Variants in RXRA observed in about 807,000 individuals in gnomAD.
The protein encoded by RXRA is retinoid X receptor alpha, also known as retinoic acid receptor RXR-alpha.
A neutral mutation model predicts 44.5 loss-of-function variants in RXRA; 5 were observed. The observed-to-expected ratio is 0.11, with a 90% CI of 0.06 to 0.24. The LOEUF (loss-of-function observed/expected upper bound fraction) is 0.24, where lower values mean the gene tolerates loss of function less well. Ranked by LOEUF, RXRA falls within the 10% of genes least tolerant of loss-of-function variation. The pLI, the probability that RXRA is intolerant of heterozygous loss-of-function variation, is 1.00. For synonymous variants in RXRA, 291 were observed against 271.4 expected (o/e 1.07, Z -0.71); for missense variants, 412 against 646.5 (o/e 0.64, Z 3.93).
At chr9:134,352,635 C>T (rs1588259154) in intron 1 of RXRA, among the ~76,000 whole-genome samples, 1 of 152,232 alleles carries the variant, frequency 6.6e-6, no homozygotes, top group East Asian at 1.9e-4. Context: ...AGCCCTGCAG[C>T]TCCCGGGGTG....
At chr9:134,341,383 T>TG (rs1830084844) in intron 1 of RXRA, among the ~76,000 whole-genome samples, 1 of 151,842 alleles carries the variant, frequency 6.6e-6, no homozygotes, top group South Asian at 2.1e-4. Context: ...GCTGCTAGGG[T>TG]GGGGGGACAT....
Position 134,417,427 on chromosome 9 carries a change from T to TG in RXRA, c.780+105dup. ...AGCAGCTGATGAGCCAGAGAGGTCC[T>TG]GGGGGCTGCCCTGGGCCCTGTGGCT... is the stretch of plus-strand genomic sequence containing the variant. On this transcript the variant is annotated intron_variant, in intron 5 of 9. Transcript: ENST00000481739. The surrounding 1 kb of genome is among the most constrained non-coding windows in gnomAD (Gnocchi z 6.1). 1 of 1,402,402 alleles carries TG rather than the reference T, an allele frequency of 7.1e-7. No homozygotes were observed. The highest frequency in any genetic ancestry group is 2.4e-5 in the East Asian group (1 of 41,060). The allele number at this position is 1,402,402 out of a possible 1,614,324, so 86.9% of individuals were successfully genotyped here.
rs1330898915 is a variant in RXRA, at chr9:134,436,471, G to A, written c.1246G>A (p.Ala416Thr). The A allele has an allele frequency of 6.2e-7, 1 of 1,613,904 alleles. No homozygotes were observed. The highest frequency in any genetic ancestry group is 8.5e-7 in the Non-Finnish European group (1 of 1,180,016). The change falls in exon 10 of 10, where the codon GCT becomes ACT. Residue 416 changes from alanine to threonine, a missense_variant. Physicochemically the swap from Ala to Thr is moderately conservative, Grantham distance 58. Coordinates refer to ENST00000481739, the MANE Select transcript of RXRA (RefSeq NM_002957.6). ...CACCAGACCTGTTCCCTGCAGGTTCGCTAAGCTCTTGCTCCGCCTGCCGGC... is the reference window on the plus strand; with the variant it reads ...CACCAGACCTGTTCCCTGCAGGTTCACTAAGCTCTTGCTCCGCCTGCCGGC... ...HKYPEQPGRF[A>T]KLLLRLPALR...
chr9:134,420,265 T>G (rs1424027645), intron 5 of RXRA, among the ~76,000 whole-genome samples: 1 of 152,208 alleles, frequency 6.6e-6, no homozygotes, highest in African/African-American at 2.4e-5. Flanking sequence ...GCCCCCAGCG[T>G]GACAGAAGGA....
chr9:134,371,658 G>T (rs1213951695), intron 1 of RXRA, among the ~76,000 whole-genome samples: 2 of 152,244 alleles, frequency 1.3e-5, no homozygotes, highest in Non-Finnish European at 2.9e-5. Context: ...TGGTTCACTG[G>T]GCCTGTGGCC....
At chr9:134,411,805 G>T (rs539953162) in intron 4 of RXRA, among the ~76,000 whole-genome samples, 2 of 152,326 alleles carry the variant, frequency 1.3e-5, no homozygotes, top group African/African-American at 4.8e-5. Flanking sequence ...TGCCAAACGT[G>T]CCCTGCTGCC....
intron 4 of RXRA, among the ~76,000 whole-genome samples, chr9:134,411,259 C>G (rs1245685619): frequency 6.6e-6 from 1 of 152,190 alleles, no homozygotes; most frequent in Non-Finnish European, 1.5e-5. Context: ...CTCCAGCTGC[C>G]TGGGCCCCCC....
intron 1 of RXRA, among the ~76,000 whole-genome samples, chr9:134,329,057 T>C (rs1834961481): frequency 6.6e-6 from 1 of 152,220 alleles, no homozygotes. Context: ...GGCCTTATCC[T>C]GAATGGTGGG....
intron 1 of RXRA, among the ~76,000 whole-genome samples, chr9:134,397,905 C>G (rs1166131128): frequency 6.6e-6 from 1 of 152,204 alleles, no homozygotes; most frequent in Non-Finnish European, 1.5e-5. Context: ...TGGGGGTGAA[C>G]CTGGAGGGCC....
At position 134,365,650 on chromosome 9, in the gene RXRA, G is replaced by T. The variant is rs186328496; in HGVS notation, c.29-35982G>T. Among the ~76,000 whole-genome samples, 102 of 152,150 alleles carry T rather than the reference G, an allele frequency of 6.7e-4. 3 individuals carry two copies. In the East Asian group the frequency reaches 0.019, roughly 29 times the overall value. On this transcript the variant is annotated intron_variant, in intron 1 of 9. Coordinates refer to ENST00000481739, the MANE Select transcript of RXRA (RefSeq NM_002957.6). The surrounding 1 kb of genome is among the most constrained non-coding windows in gnomAD (Gnocchi z 4.0). Reference sequence around the variant, plus strand: ...CCTCAGCAGGCCTGGGACTGGGCGGGGACAGTGGGGATGAGTTTCAGGTCT... The same window carrying T: ...CCTCAGCAGGCCTGGGACTGGGCGGTGACAGTGGGGATGAGTTTCAGGTCT...
At chr9:134,345,420 C>T (rs563276451) in intron 1 of RXRA, among the ~76,000 whole-genome samples, 118 of 152,310 alleles carry the variant, frequency 7.7e-4, no homozygotes, top group Non-Finnish European at 1.2e-3. Flanking sequence ...AGGCCCTACC[C>T]TGGCACTGGC....
chr9:134,350,371 T>G (rs1830206777), intron 1 of RXRA, among the ~76,000 whole-genome samples: 1 of 152,176 alleles, frequency 6.6e-6, no homozygotes, highest in South Asian at 2.1e-4. Flanking sequence ...TTTCCTTTTC[T>G]GTAAGGGGCA....
intron 6 of RXRA, chr9:134,422,395 C>A (rs1403678900): frequency 7.8e-7 from 1 of 1,277,642 alleles, no homozygotes; most frequent in African/African-American, 1.5e-5. Context: ...CCGGGACACT[C>A]CCCCGTCCCG....
intron 2 of RXRA, chr9:134,404,430 A>T (rs894589066): frequency 3.9e-5 from 6 of 152,368 alleles, no homozygotes; most frequent in African/African-American, 1.4e-4. Context: ...CATTCCCCAC[A>T]GTGTCCCAGA....
In RXRA at chr9:134,435,298, C is replaced by T. The variant is rs371440820; in HGVS notation, c.1241+1091C>T. On this transcript the variant is annotated intron_variant, in intron 9 of 9. Coordinates refer to ENST00000481739, the MANE Select transcript of RXRA (RefSeq NM_002957.6). Reference sequence around the variant, plus strand: ...GCCAGCCGGAAGGGACACCTGGTTCCGTCCCCATAGCACCCTGTCCTCAGC... The same window carrying T: ...GCCAGCCGGAAGGGACACCTGGTTCTGTCCCCATAGCACCCTGTCCTCAGC... Among the ~76,000 whole-genome samples the T allele has an allele frequency of 3.3e-5, 5 of 152,316 alleles. No homozygotes were observed. The East Asian group carries it at 9.7e-4, about 29-fold the overall frequency.
At chr9:134,383,638 G>T (rs1028668985) in intron 1 of RXRA, among the ~76,000 whole-genome samples, 5 of 152,190 alleles carry the variant, frequency 3.3e-5, no homozygotes, top group Admixed American at 3.3e-4. Context: ...CAGGCCCTCA[G>T]GCAGCTGGCG....
At chr9:134,424,750 A>G (rs749996076) in intron 6 of RXRA, 10 of 985,456 alleles carry the variant, frequency 1.0e-5, no homozygotes, top group Non-Finnish European at 1.2e-5. Context: ...CCAAGGATAC[A>G]CTGTGCCTGG....
chr9:134,374,454 C>T (rs1040015112), intron 1 of RXRA, among the ~76,000 whole-genome samples: 3 of 152,298 alleles, frequency 2.0e-5, no homozygotes, highest in Middle Eastern at 3.4e-3. Flanking sequence ...GTGTGGGCTG[C>T]GCTGGTCACT....
intron 1 of RXRA, among the ~76,000 whole-genome samples, chr9:134,386,738 C>T (rs959997501): frequency 4.0e-3 from 17 of 4,258 alleles, no homozygotes; most frequent in African/African-American, 9.6e-3. Context: ...CTCTGGTGTC[C>T]CCCCGGGTGT....
Sources: gnomAD v4.1 joint callset for allele counts (sites outside exome capture counted in the v4.1 genomes callset) on GRCh38, gnomAD v4.1.1 for gene constraint, Gnocchi (gnomAD v3.1) non-coding constraint, MANE v1.5 for transcripts, NCBI Gene and HGNC (gene_info 2026-07-23, HGNC 2026-07-21) for gene names.